NBAS: variants seen among roughly 807,000 people sequenced by gnomAD.
NBAS encodes the protein NAG/BC035112 fusion.
Under a neutral mutation model 302.5 loss-of-function variants are expected in NBAS, and 219 were observed. That is an observed-to-expected ratio of 0.72 (90% CI 0.65 to 0.81). The LOEUF (loss-of-function observed/expected upper bound fraction) is 0.81. NBAS is among the 30% of genes least tolerant of loss of function. The probability of loss-of-function intolerance (pLI) is 0.00; values close to 1 mark genes in which losing one functional copy is unlikely to be tolerated. For synonymous variants in NBAS, 1,118 were observed against 1,021.6 expected (o/e 1.09, Z -1.80); for missense variants, 2,932 against 2,841.6 (o/e 1.03, Z -0.72).
the NBAS span, among the ~76,000 whole-genome samples, chr2:15,075,424 A>T: frequency 2.0e-4 from 30 of 152,282 alleles, no homozygotes; most frequent in South Asian, 6.2e-3. Flanking sequence ...AAGGAAAGAG[A>T]TCCAAGTGTT....
the NBAS span, among the ~76,000 whole-genome samples, chr2:14,909,607 G>A: frequency 3.9e-5 from 6 of 152,284 alleles, no homozygotes; most frequent in East Asian, 1.9e-4. Flanking sequence ...TATTTCTATC[G>A]TCTCACATGC....
chr2:15,541,360 C>A (rs887808685), intron 6 of NBAS, among the ~76,000 whole-genome samples: 12 of 152,098 alleles, frequency 7.9e-5, no homozygotes, highest in African/African-American at 2.9e-4. Context: ...ATTAACAGGG[C>A]AAGGTAATGG....
At chr2:14,929,774 G>A in the NBAS span, among the ~76,000 whole-genome samples, 3 of 152,114 alleles carry the variant, frequency 2.0e-5, no homozygotes, top group Non-Finnish European at 2.9e-5. Context: ...AGTGCAGAGA[G>A]GGCACTGATT....
At chr2:15,296,993 T>C (rs1670580056) in intron 40 of NBAS, among the ~76,000 whole-genome samples, 1 of 152,236 alleles carries the variant, frequency 6.6e-6, no homozygotes, top group African/African-American at 2.4e-5. Flanking sequence ...TATTTCATAT[T>C]CTTTGTAGGA....
the NBAS span, among the ~76,000 whole-genome samples, chr2:15,154,396 T>C: frequency 3.3e-5 from 5 of 152,214 alleles, no homozygotes; most frequent in Admixed American, 6.5e-5. Context: ...CTCGGTTTCA[T>C]AGACTGCATA....
chr2:15,058,036 G>C, the NBAS span, among the ~76,000 whole-genome samples: 1 of 152,228 alleles, frequency 6.6e-6, no homozygotes, highest in Non-Finnish European at 1.5e-5. Context: ...ATAGTGTGGA[G>C]ATTCCTTAAA....
intron 25 of NBAS, among the ~76,000 whole-genome samples, chr2:15,410,171 A>G (rs1676614581): frequency 6.6e-6 from 1 of 152,220 alleles, no homozygotes; most frequent in Non-Finnish European, 1.5e-5. Context: ...CCATGGCATT[A>G]TATAGAAGTC....
At chr2:15,385,682 G>A (rs1675257046) in intron 28 of NBAS, among the ~76,000 whole-genome samples, 1 of 152,166 alleles carries the variant, frequency 6.6e-6, no homozygotes, top group Non-Finnish European at 1.5e-5. Flanking sequence ...AAGATTTGCT[G>A]ACATCTGCCA....
the NBAS span, among the ~76,000 whole-genome samples, chr2:15,150,526 A>C: frequency 1.3e-5 from 2 of 152,180 alleles, no homozygotes; most frequent in Non-Finnish European, 2.9e-5. Flanking sequence ...ATGTAAATCC[A>C]ATGTTAAATT....
At chr2:15,360,342 AAAAAC>A (rs77545260) in intron 32 of NBAS, among the ~76,000 whole-genome samples, 1 of 122,266 alleles carries the variant, frequency 8.2e-6, no homozygotes, top group East Asian at 2.0e-4. Context: ...AAAAAAAAAA[AAAAAC>A]AAAACAAAAC....
At position 15,353,688 on chromosome 2, in the gene NBAS, A is replaced by C; in HGVS notation, c.3954T>G (p.Val1318=). Residue 1318 remains valine, a synonymous_variant, in exon 34 of 52, where the codon GTT becomes GTG. Transcript: ENST00000281513. Reference sequence around the variant, plus strand: ...CTTCTGATTGTCCTAACTGGCTACAAACATCCCAACTTTTAGGATAACCTG... The same window carrying C: ...CTTCTGATTGTCCTAACTGGCTACACACATCCCAACTTTTAGGATAACCTG... ...MATGYPKSWD[V]CSQLGQSEGY... 1 of 1,614,072 alleles carries C rather than the reference A, an allele frequency of 6.2e-7. No individual in the cohort carries two copies. Among genetic ancestry groups the C allele is most frequent in the South Asian group, 1.1e-5 (1 of 91,086 alleles).
rs564762287 is a variant in NBAS at position 15,233,538 on chromosome 2, A to G, written c.6146+1007T>C. ...TAAGAAATAATAAAAAGATAACCAT[A>G]AACCAAAAGGTATGAAATATGGCCA... On this transcript the variant is annotated intron_variant, in intron 46 of 51. Transcript: ENST00000281513. Among the ~76,000 whole-genome samples the G allele has an allele frequency of 3.9e-5, 6 of 152,318 alleles. No individual in the cohort carries two copies. In the East Asian group the frequency reaches 1.2e-3, roughly 29 times the overall value.
the NBAS span, among the ~76,000 whole-genome samples, chr2:15,117,605 CCTT>C: frequency 1.3e-5 from 2 of 152,232 alleles, no homozygotes; most frequent in Non-Finnish European, 2.9e-5. Flanking sequence ...TAGCTGCAGA[CCTT>C]CTCAGAGCCT....
At chr2:14,786,534 T>C in the NBAS span, among the ~76,000 whole-genome samples, 2 of 152,144 alleles carry the variant, frequency 1.3e-5, no homozygotes, top group Non-Finnish European at 1.5e-5. Context: ...TTTGTTCTCG[T>C]TGGTTTCAAA....
chr2:14,801,187 T>C, the NBAS span, among the ~76,000 whole-genome samples: 18 of 152,140 alleles, frequency 1.2e-4, no homozygotes, highest in Non-Finnish European at 1.9e-4. Context: ...TTTCCATTCA[T>C]TGGTGTTTGT....
intron 23 of NBAS, among the ~76,000 whole-genome samples, chr2:15,418,923 C>T (rs1314737027): frequency 1.3e-5 from 2 of 152,044 alleles, no homozygotes; most frequent in Non-Finnish European, 2.9e-5. Flanking sequence ...ACAAATAGAG[C>T]TACACTTTGG....
intron 32 of NBAS, 21 bp from the exon 33 acceptor site, chr2:15,356,437 C>T (rs757803869): frequency 1.3e-6 from 2 of 1,558,634 alleles, no homozygotes; most frequent in Admixed American, 1.7e-5. Flanking sequence ...AAGCAAAGGA[C>T]TTAATGATTA....
the NBAS span, among the ~76,000 whole-genome samples, chr2:14,903,828 G>T: frequency 2.0e-5 from 3 of 151,872 alleles, no homozygotes; most frequent in African/African-American, 7.3e-5. Flanking sequence ...AAGCATGCCT[G>T]TCCCCCCCAT....
the NBAS span, among the ~76,000 whole-genome samples, chr2:15,087,942 C>T: frequency 3.3e-5 from 5 of 152,158 alleles, no homozygotes; most frequent in Middle Eastern, 3.2e-3. Flanking sequence ...AGACAAAACA[C>T]GCGGAGAGTG....
Sources: gnomAD v4.1 joint callset for allele counts (sites outside exome capture counted in the v4.1 genomes callset) on GRCh38, gnomAD v4.1.1 for gene constraint, MANE v1.5 for transcripts, NCBI Gene and HGNC (gene_info 2026-07-23, HGNC 2026-07-21) for gene names.